CNTN4: variants seen among roughly 807,000 people sequenced by gnomAD.
The protein encoded by CNTN4 is contactin 4, also known as contactin-4.
Under a neutral mutation model 122.5 loss-of-function variants are expected in CNTN4, and 77 were observed. The observed-to-expected ratio is 0.63, with a 90% CI of 0.52 to 0.76. CNTN4 has a LOEUF of 0.76. Ranked by LOEUF, CNTN4 falls within the 30% of genes least tolerant of loss-of-function variation. The pLI is 0.00. For synonymous variants in CNTN4, 512 were observed against 447.0 expected (o/e 1.15, Z -1.83); for missense variants, 1,256 against 1,259.1 (o/e 1.00, Z 0.04).
intron 3 of CNTN4, among the ~76,000 whole-genome samples, chr3:2,393,508 T>A (rs2046522720): frequency 6.6e-6 from 1 of 152,206 alleles, no homozygotes; most frequent in Non-Finnish European, 1.5e-5. Flanking sequence ...CTGTCTATTC[T>A]ACTATACTTA....
At chr3:2,807,846 C>A (rs1183631570) in intron 6 of CNTN4, among the ~76,000 whole-genome samples, 2 of 152,150 alleles carry the variant, frequency 1.3e-5, no homozygotes, top group Non-Finnish European at 2.9e-5. Context: ...ATAACATCTG[C>A]CTCTCCTTGT....
chr3:2,260,046 C>G (rs1053605125), intron 2 of CNTN4, among the ~76,000 whole-genome samples: 2 of 152,102 alleles, frequency 1.3e-5, no homozygotes, highest in Non-Finnish European at 2.9e-5. Flanking sequence ...GAAATATACA[C>G]TGAAATAAGA....
At chr3:2,396,258 C>T (rs149543462) in intron 3 of CNTN4, among the ~76,000 whole-genome samples, 302 of 152,200 alleles carry the variant, frequency 2.0e-3, no homozygotes, top group African/African-American at 6.6e-3. Context: ...CTCCTGGGCT[C>T]GAGCCATCTG....
intron 2 of CNTN4, among the ~76,000 whole-genome samples, chr3:2,215,073 T>C (rs979357964): frequency 6.6e-6 from 1 of 152,244 alleles, no homozygotes; most frequent in Non-Finnish European, 1.5e-5. Context: ...AAACTACAGA[T>C]ACAAACATAT....
At chr3:2,205,678 AAC>A (rs2038308840) in intron 2 of CNTN4, among the ~76,000 whole-genome samples, 1 of 152,104 alleles carries the variant, frequency 6.6e-6, no homozygotes, top group Admixed American at 6.6e-5. Context: ...GCAATTTTAA[AAC>A]ATAGTCCCTC....
At chr3:2,778,221 T>A (rs1438069226) in intron 6 of CNTN4, among the ~76,000 whole-genome samples, 1 of 117,248 alleles carries the variant, frequency 8.5e-6, no homozygotes, top group Admixed American at 8.3e-5. Context: ...CTCAAATAAA[T>A]AAATAAATAA....
At chr3:2,566,728 C>T (rs1422206724) in intron 3 of CNTN4, among the ~76,000 whole-genome samples, 1 of 152,176 alleles carries the variant, frequency 6.6e-6, no homozygotes, top group East Asian at 1.9e-4. Context: ...TGGCATGATC[C>T]CTAACCTACA....
chr3:2,961,554 A>G (rs1405868966), intron 13 of CNTN4, among the ~76,000 whole-genome samples: 1 of 152,136 alleles, frequency 6.6e-6, no homozygotes. Flanking sequence ...AAAAATAAAG[A>G]TATTTTTATT....
chr3:2,121,078 C>G (rs924227688), intron 2 of CNTN4, among the ~76,000 whole-genome samples: 5 of 142,622 alleles, frequency 3.5e-5, no homozygotes, highest in Non-Finnish European at 8.0e-5. Context: ...CTTCCTTCCT[C>G]CCTCCCTTCC....
At chr3:2,509,850 A>G (rs1286363805) in intron 3 of CNTN4, among the ~76,000 whole-genome samples, 1 of 152,156 alleles carries the variant, frequency 6.6e-6, no homozygotes, top group African/African-American at 2.4e-5. Context: ...AGTAAGATGG[A>G]GAAATCCACA....
chr3:2,894,618 A>T (rs1294721172), intron 10 of CNTN4, among the ~76,000 whole-genome samples: 1 of 152,196 alleles, frequency 6.6e-6, no homozygotes, highest in Non-Finnish European at 1.5e-5. Flanking sequence ...GACTGAACTC[A>T]AGGTGTATAA....
At chr3:2,199,845 C>T (rs768045262) in intron 2 of CNTN4, among the ~76,000 whole-genome samples, 2 of 152,012 alleles carry the variant, frequency 1.3e-5, no homozygotes, top group Non-Finnish European at 2.9e-5. Context: ...AAGAAACCAC[C>T]AATGAAGGTT....
At chr3:3,034,909 G>C (rs1376077398) in intron 17 of CNTN4, 119 bp downstream of exon 17, 7 of 1,118,404 alleles carry the variant, frequency 6.3e-6, no homozygotes, top group Non-Finnish European at 9.5e-6. Flanking sequence ...TATTATGGCA[G>C]TGTTTCCTAA....
chr3:2,419,235 A>G (rs9310727), intron 3 of CNTN4, among the ~76,000 whole-genome samples: 143,567 of 152,270 alleles, frequency 0.94, 67,743 homozygotes, highest in African/African-American at 0.99. Context: ...ATTATATTGG[A>G]TGAAAAGCTC....
chr3:2,152,797 CAA>C lies in CNTN4; in HGVS notation c.-145+52161_-145+52162del, dbSNP rs1377135524. On this transcript the variant is annotated intron_variant, in intron 2 of 24. Transcript: ENST00000418658. ...GCCGGTGGGTCATGTCGATGTGAGACAAAAGCAGGGTACGGAAATGTACTCCC... is the reference window on the plus strand; with the variant it reads ...GCCGGTGGGTCATGTCGATGTGAGACAAGCAGGGTACGGAAATGTACTCCC... Among the ~76,000 whole-genome samples, 6 of 152,204 alleles carry C rather than the reference CAA, an allele frequency of 3.9e-5. 1 individual carries two copies. The East Asian group carries it at 7.7e-4, about 20-fold the overall frequency.
At chr3:2,762,836 C>G (rs1320176338) in intron 6 of CNTN4, among the ~76,000 whole-genome samples, 1 of 149,804 alleles carries the variant, frequency 6.7e-6, no homozygotes, top group Non-Finnish European at 1.5e-5. Flanking sequence ...TTGCCAGCAT[C>G]TGTTATTTTT....
intron 4 of CNTN4, among the ~76,000 whole-genome samples, chr3:2,691,355 A>C (rs1357733601): frequency 6.6e-6 from 1 of 152,170 alleles, no homozygotes; most frequent in East Asian, 1.9e-4. Context: ...ACATAATTTT[A>C]TGTATAATAT....
rs368872061 is a variant in CNTN4, at chr3:2,186,380, G to A, written c.-145+85741G>A. ...AGTCTTTGCTATTGTGAATAGTGCC[G>A]CAATAAACATACGTGTGCATGTGTG... On this transcript the variant is annotated intron_variant, in intron 2 of 24. Coordinates refer to ENST00000418658, the MANE Select transcript of CNTN4 (RefSeq NM_175607.3). Among the ~76,000 whole-genome samples the A allele has an allele frequency of 6.0e-3, 919 of 152,104 alleles. 4 individuals carry two copies. The highest frequency in any genetic ancestry group is 0.021 in the African/African-American group (877 of 41,486).
At chr3:2,221,388 A>G (rs1178070970) in intron 2 of CNTN4, among the ~76,000 whole-genome samples, 2 of 152,012 alleles carry the variant, frequency 1.3e-5, no homozygotes, top group African/African-American at 4.8e-5. Context: ...CTCACACCAT[A>G]TACAAATACT....
Sources: gnomAD v4.1 joint callset for allele counts (sites outside exome capture counted in the v4.1 genomes callset) on GRCh38, gnomAD v4.1.1 for gene constraint, MANE v1.5 for transcripts, NCBI Gene and HGNC (gene_info 2026-07-23, HGNC 2026-07-21) for gene names.